The following ALG8 variants were observed in gnomAD, a reference collection of about 807,000 sequenced individuals.
ALG8 encodes ALG8 alpha-1,3-glucosyltransferase, also known as dolichyl pyrophosphate Glc1Man9GlcNAc2 alpha-1,3-glucosyltransferase.
Under a neutral mutation model 70.2 loss-of-function variants are expected in ALG8, and 48 were observed. The ratio of observed to expected loss-of-function variants is 0.68; its 90% CI spans 0.54 to 0.87. The LOEUF (loss-of-function observed/expected upper bound fraction) is 0.87. Among genes scored for constraint, ALG8 ranks in the 40% least tolerant of loss-of-function variants. The probability of loss-of-function intolerance (pLI) is 0.00; values close to 1 mark genes in which losing one functional copy is unlikely to be tolerated. For synonymous variants in ALG8, 234 were observed against 229.0 expected (o/e 1.02, Z -0.20); for missense variants, 572 against 608.7 (o/e 0.94, Z 0.64).
At chr11:78,108,551 T>C (rs1409053227) in intron 9 of ALG8, among the ~76,000 whole-genome samples, 4 of 152,244 alleles carry the variant, frequency 2.6e-5, no homozygotes, top group Admixed American at 6.5e-5. Context: ...ATGAACCTAA[T>C]AGGTCAAACT....
chr11:78,104,580 G>A, intron 10 of ALG8, 127 bp from the exon 11 acceptor site: 1 of 804,412 alleles, frequency 1.2e-6, no homozygotes, highest in Non-Finnish European at 2.0e-6. Context: ...TTTGGCACAA[G>A]TTCAATTTAG....
chr11:78,131,686 A>T (rs71473370), intron 1 of ALG8, among the ~76,000 whole-genome samples: 10 of 151,992 alleles, frequency 6.6e-5, no homozygotes, highest in African/African-American at 1.9e-4. Flanking sequence ...GGCTGGTCCC[A>T]AACTCCCAAG....
chr11:78,111,613 T>C (rs1181885559), intron 8 of ALG8, among the ~76,000 whole-genome samples: 1 of 152,004 alleles, frequency 6.6e-6, no homozygotes, highest in Admixed American at 6.6e-5. Context: ...TAAACAAATG[T>C]GTGCATACAC....
chr11:78,107,198 A>AATATATATATAT (rs57228944), intron 9 of ALG8, among the ~76,000 whole-genome samples: 55 of 143,868 alleles, frequency 3.8e-4, no homozygotes, highest in African/African-American at 6.5e-4. Context: ...TTTATATGTA[A>AATATATATATAT]ATATATATAT....
At chr11:78,131,615 C>T (rs1009144207) in intron 1 of ALG8, among the ~76,000 whole-genome samples, 3 of 152,122 alleles carry the variant, frequency 2.0e-5, no homozygotes, top group African/African-American at 7.2e-5. Flanking sequence ...AAATTTTTGA[C>T]CACCATCTCC....
chr11:78,101,260 T>G (rs540193489), intron 12 of ALG8, 65 bp from the exon 13 acceptor site: 2 of 1,319,972 alleles, frequency 1.5e-6, no homozygotes, highest in East Asian at 4.9e-5. Context: ...AAACATTTCC[T>G]AGCTAAAGCT....
At chr11:78,123,882 CACAAT>C in intron 3 of ALG8, 134 bp downstream of exon 3, 1 of 970,694 alleles carries the variant, frequency 1.0e-6, no homozygotes, top group Non-Finnish European at 1.6e-6. Context: ...TAGTTTAAAG[CACAAT>C]ACAATTTTTC....
At chr11:78,131,871 A>G (rs1861322618) in intron 1 of ALG8, among the ~76,000 whole-genome samples, 1 of 152,230 alleles carries the variant, frequency 6.6e-6, no homozygotes, top group Non-Finnish European at 1.5e-5. Flanking sequence ...TCATTAATCT[A>G]GCTTTCACAT....
chr11:78,124,092 G>C lies in ALG8; in HGVS notation c.297C>G (p.Ser99Arg), dbSNP rs1489274005. 3.7e-6 allele frequency: 6 copies of C among 1,614,102 alleles called. No individual in the cohort carries two copies. The highest frequency in any genetic ancestry group is 4.2e-6 in the Non-Finnish European group (5 of 1,180,014). Reference protein sequence around the residue: ...MLNVHNLNYSSSRTLLFQRFS... With the variant: ...MLNVHNLNYSRSRTLLFQRFS... ...ATCTCTGGAAAAGTAAGGTCCTTGAGCTGGAGTAATTCAAATTATGGACAT... is the reference window on the plus strand; with the variant it reads ...ATCTCTGGAAAAGTAAGGTCCTTGACCTGGAGTAATTCAAATTATGGACAT... The change falls in exon 3 of 13, where the codon AGC becomes AGG. Residue 99 changes from serine to arginine, a missense_variant. Transcript: ENST00000299626.
intron 8 of ALG8, among the ~76,000 whole-genome samples, chr11:78,111,645 T>TAC (rs201727835): frequency 8.8e-5 from 13 of 148,304 alleles, no homozygotes; most frequent in East Asian, 8.5e-4. Flanking sequence ...CAGACACACA[T>TAC]ACACACACAC....
Position 78,112,917 on chromosome 11 carries a change from T to C in ALG8, c.778-147A>G, listed in dbSNP as rs534293816. 1.2e-4 allele frequency: 112 copies of C among 952,654 alleles called. No homozygotes were observed. In the Middle Eastern group the frequency reaches 1.4e-3, roughly 12 times the overall value. The allele number at this position is 952,654 out of a possible 1,614,324, so 59.0% of individuals were successfully genotyped here. ...GTAAGTGGTTATATGCTCACCACAA[T>C]GTAAGTTCACAGAACCTTCTTTTGG... On this transcript the variant is annotated intron_variant, in intron 7 of 12. Transcript: ENST00000299626.
rs552839895 is a variant in ALG8, at chr11:78,101,558, G to T, written c.1350-363C>A. On this transcript the variant is annotated intron_variant, in intron 12 of 12. Coordinates refer to ENST00000299626, the MANE Select transcript of ALG8 (RefSeq NM_024079.5). The stretch of plus-strand genomic sequence containing the variant: ...GCAGGAGAACTGCTTTAACTGGGTT[G>T]CAGTGAGTCGATATGGCACCACTGC... Among the ~76,000 whole-genome samples the T allele has an allele frequency of 3.3e-5, 5 of 152,262 alleles. No homozygotes were observed. In the South Asian group the frequency reaches 1.0e-3, roughly 32 times the overall value.
chr11:78,132,675 C>G (rs1167745979), intron 1 of ALG8, among the ~76,000 whole-genome samples: 1 of 152,108 alleles, frequency 6.6e-6, no homozygotes, highest in Non-Finnish European at 1.5e-5. Flanking sequence ...CAGATAAGTT[C>G]TACACACTTG....
At chr11:78,138,081 C>T (rs2136955681) in intron 1 of ALG8, among the ~76,000 whole-genome samples, 1 of 152,296 alleles carries the variant, frequency 6.6e-6, no homozygotes, top group African/African-American at 2.4e-5. Flanking sequence ...CACGGTGGCT[C>T]ATGCCTGTAA....
In ALG8 at chr11:78,104,461, TA is replaced by T; in HGVS notation, c.1179-9del. On this transcript the variant is annotated splice_polypyrimidine_tract_variant and intron_variant, in intron 10 of 12. Coordinates refer to ENST00000299626, the MANE Select transcript of ALG8 (RefSeq NM_024079.5). ...TTTCCCACAGACAAAAGGCTAAAAA[TA>T]AAAATAATTTCTTAAAACAACAACT... 2 of 1,565,714 alleles carry T rather than the reference TA, an allele frequency of 1.3e-6. No individual in the cohort carries two copies. The highest frequency in any genetic ancestry group is 1.7e-6 in the Non-Finnish European group (2 of 1,154,290).
chr11:78,104,470 T>C lies in ALG8; in HGVS notation c.1179-17A>G. 5.1e-6 allele frequency: 8 copies of C among 1,556,860 alleles called. No homozygotes were observed. Among genetic ancestry groups the C allele is most frequent in the African/African-American group, 1.4e-5 (1 of 73,492 alleles). ...GACAAAAGGCTAAAAATAAAAATAA[T>C]TTCTTAAAACAACAACTGTTATTAC... On this transcript the variant is annotated splice_polypyrimidine_tract_variant and intron_variant, in intron 10 of 12. Coordinates refer to ENST00000299626, the MANE Select transcript of ALG8 (RefSeq NM_024079.5).
At chr11:78,120,696 C>A (rs1442807510) in intron 4 of ALG8, among the ~76,000 whole-genome samples, 1 of 152,202 alleles carries the variant, frequency 6.6e-6, no homozygotes, top group Non-Finnish European at 1.5e-5. Flanking sequence ...AGCACAAATG[C>A]CTGACCATTC....
chr11:78,104,306 T>C, intron 11 of ALG8, 50 bp downstream of exon 11: 1 of 1,476,936 alleles, frequency 6.8e-7, no homozygotes, highest in Non-Finnish European at 9.1e-7. Context: ...TGGGCCTCGA[T>C]GAAAAGGTTG....
At chr11:78,137,319 G>A (rs1861595624) in intron 1 of ALG8, 1 of 152,198 alleles carries the variant, frequency 6.6e-6, no homozygotes, top group South Asian at 2.1e-4. Context: ...TGTTATGGCT[G>A]GTTTGATCTA....
Sources: allele counts gnomAD v4.1 joint callset (sites outside exome capture counted in the v4.1 genomes callset), GRCh38; gene constraint gnomAD v4.1.1; transcripts MANE v1.5; gene names NCBI Gene and HGNC (gene_info 2026-07-23, HGNC 2026-07-21).